The following KLHL4 variants were observed in gnomAD, a reference collection of about 807,000 sequenced individuals.
KLHL4 encodes the protein kelch like family member 4, also known as kelch-like protein 4.
A neutral mutation model predicts 45.8 loss-of-function variants in KLHL4; 17 were observed. The ratio of observed to expected loss-of-function variants is 0.37; its 90% confidence interval spans 0.25 to 0.56. KLHL4 has a LOEUF of 0.56. KLHL4 is among the 20% of genes least tolerant of loss of function. KLHL4 has a pLI of 0.79. For synonymous variants in KLHL4, 224 were observed against 189.9 expected (o/e 1.18, Z -1.47); for missense variants, 544 against 544.9 (o/e 1.00, Z 0.02).
intron 9 of KLHL4, among the ~76,000 whole-genome samples, chrX:87,663,524 A>G (rs1924266063): frequency 8.9e-6 from 1 of 112,653 alleles, no homozygotes; most frequent in Non-Finnish European, 1.9e-5. Context: ...GCCCATGCAG[A>G]AAAGTCTTGG....
intron 1 of KLHL4, among the ~76,000 whole-genome samples, chrX:87,531,241 C>A (rs1166876903): frequency 3.6e-5 from 4 of 110,460 alleles, no homozygotes; most frequent in Non-Finnish European, 7.6e-5. Flanking sequence ...ATGGTAGTTT[C>A]TTTTGCTGTG....
chrX:87,609,288 C>G (rs1371280791), intron 1 of KLHL4, among the ~76,000 whole-genome samples: 1 of 112,038 alleles, frequency 8.9e-6, no homozygotes, highest in African/African-American at 3.2e-5. Flanking sequence ...AATGGGATGG[C>G]TGGGTCAAAT....
intron 1 of KLHL4, among the ~76,000 whole-genome samples, chrX:87,583,128 T>A (rs1411501529): frequency 8.9e-6 from 1 of 112,445 alleles, no homozygotes; most frequent in Non-Finnish European, 1.9e-5. Flanking sequence ...TACAATCCTC[T>A]TGCTAGCTAC....
intron 6 of KLHL4, among the ~76,000 whole-genome samples, chrX:87,628,527 T>C (rs770551691): frequency 1.6e-4 from 18 of 111,842 alleles, no homozygotes; most frequent in African/African-American, 5.5e-4. Context: ...GTATAAACAT[T>C]AATTTCTATA....
rs754253274 is a variant in KLHL4, at chrX:87,648,558, C to T, written c.1925+12783C>T. Among the ~76,000 whole-genome samples the T allele has an allele frequency of 2.2e-3, 248 of 110,844 alleles. 2 individuals are homozygous for T. Among genetic ancestry groups the T allele is most frequent in the African/African-American group, 7.7e-3 (235 of 30,584 alleles). ...AGAGGGAAAATTAAACTGAGAAGAG[C>T]TGGAATATCATGAAAAAAGCAACTT... On this transcript the variant is annotated intron_variant, in intron 9 of 10. Coordinates refer to ENST00000373119, the MANE Select transcript of KLHL4 (RefSeq NM_019117.5).
intron 3 of KLHL4, among the ~76,000 whole-genome samples, chrX:87,617,099 C>A (rs1602446372): frequency 9.0e-6 from 1 of 111,464 alleles, no homozygotes. Flanking sequence ...AATAACTATT[C>A]AATAACACTT....
chrX:87,606,674 A>G (rs1922210091), intron 1 of KLHL4, among the ~76,000 whole-genome samples: 1 of 111,261 alleles, frequency 9.0e-6, no homozygotes, highest in Non-Finnish European at 1.9e-5. Flanking sequence ...GAAACTCTAG[A>G]CAGACAAGTA....
At chrX:87,600,327 C>CA (rs774013363) in intron 1 of KLHL4, among the ~76,000 whole-genome samples, 1 of 110,248 alleles carries the variant, frequency 9.1e-6, no homozygotes, top group Non-Finnish European at 1.9e-5. Flanking sequence ...ACTAAAAATA[C>CA]AAAAAAATTA....
Position 87,571,615 on chromosome X carries a change from T to C in KLHL4, c.423-42262T>C, listed in dbSNP as rs774587487. On this transcript the variant is annotated intron_variant, in intron 1 of 10. Coordinates refer to ENST00000373119, the MANE Select transcript of KLHL4 (RefSeq NM_019117.5). Reference sequence around the variant, plus strand: ...GGATCATGACAGCAGTAAAAATGTTTCTAATTTTAAAAAAGCTTTAATGCT... The same window carrying C: ...GGATCATGACAGCAGTAAAAATGTTCCTAATTTTAAAAAAGCTTTAATGCT... Among the ~76,000 whole-genome samples the C allele has an allele frequency of 5.4e-5, 6 of 111,387 alleles. No individual in the cohort carries two copies. The South Asian group carries it at 2.2e-3, about 41-fold the overall frequency.
At chrX:87,625,553 T>C (rs1282419925) in intron 5 of KLHL4, 57 bp from the exon 6 acceptor site, 2 of 989,706 alleles carry the variant, frequency 2.0e-6, no homozygotes, top group African/African-American at 1.9e-5. Context: ...TAAATACAAA[T>C]ACGTTCTTTC....
In KLHL4 at chrX:87,618,032, A is replaced by G. The variant is rs1922620021; in HGVS notation, c.828A>G (p.Ile276Met). 3 of 1,210,865 alleles carry G rather than the reference A, an allele frequency of 2.5e-6. No individual in the cohort carries two copies. The highest frequency in any genetic ancestry group is 3.4e-6 in the Non-Finnish European group (3 of 894,858). ...TTGATGTTTGCTCCAATTTTCTCAT[A>G]AAGCAGCTCCATCCTTCAAACTGCT... is the stretch of plus-strand genomic sequence containing the variant. ...QVIDVCSNFL[I>M]KQLHPSNCLG... is the part of the protein sequence containing the mutation. The change falls in exon 4 of 11, where the codon ATA becomes ATG. Residue 276 changes from isoleucine to methionine, a missense_variant. Physicochemically the swap from Ile to Met is conservative, Grantham distance 10 (BLOSUM62 1). Transcript: ENST00000373119.
chrX:87,521,689 G>A (rs1165011622), intron 1 of KLHL4, among the ~76,000 whole-genome samples: 1 of 111,780 alleles, frequency 8.9e-6, no homozygotes, highest in African/African-American at 3.3e-5. Context: ...CAAATGAGAG[G>A]GTACTTCTCC....
chrX:87,538,874 G>A (rs1435930857), intron 1 of KLHL4, among the ~76,000 whole-genome samples: 2 of 111,328 alleles, frequency 1.8e-5, no homozygotes. Context: ...TATTTGAATT[G>A]CTTCTCTTGC....
intron 1 of KLHL4, among the ~76,000 whole-genome samples, chrX:87,536,460 G>A (rs1439204256): frequency 9.0e-6 from 1 of 110,688 alleles, no homozygotes; most frequent in African/African-American, 3.3e-5. Flanking sequence ...TAGCTATACT[G>A]TAGTAAGAGT....
chrX:87,593,752 T>G (rs1463789712), intron 1 of KLHL4, among the ~76,000 whole-genome samples: 1 of 111,374 alleles, frequency 9.0e-6, no homozygotes, highest in African/African-American at 3.3e-5. Flanking sequence ...GAGAGGTCCA[T>G]GTCCACAACT....
chrX:87,617,999 T>C lies in KLHL4; in HGVS notation c.795T>C (p.Thr265=), dbSNP rs757602904. Residue 265 remains threonine, a synonymous_variant, in exon 4 of 11, where the codon ACT becomes ACC. Transcript: ENST00000373119. ...LLAAACLLQL[T]QVIDVCSNFL... Reference sequence around the variant, plus strand: ...CTGCAGCTTGTCTTCTGCAGCTGACTCAGGTCATTGATGTTTGCTCCAATT... The same window carrying C: ...CTGCAGCTTGTCTTCTGCAGCTGACCCAGGTCATTGATGTTTGCTCCAATT... The C allele has an allele frequency of 8.3e-7, 1 of 1,211,110 alleles. No homozygotes were observed. Among genetic ancestry groups the C allele is most frequent in the Non-Finnish European group, 1.1e-6 (1 of 894,938 alleles).
chrX:87,656,607 T>G (rs1923998532), intron 9 of KLHL4, among the ~76,000 whole-genome samples: 1 of 110,089 alleles, frequency 9.1e-6, no homozygotes, highest in African/African-American at 3.3e-5. Context: ...GTTTTCTGAT[T>G]TCTTTGTATT....
At chrX:87,585,982 T>A (rs1921457236) in intron 1 of KLHL4, among the ~76,000 whole-genome samples, 1 of 111,610 alleles carries the variant, frequency 9.0e-6, no homozygotes, top group East Asian at 2.8e-4. Context: ...GCTATACTAA[T>A]ATCAGACAAA....
At chrX:87,524,443 A>T (rs989467222) in intron 1 of KLHL4, among the ~76,000 whole-genome samples, 2 of 111,727 alleles carry the variant, frequency 1.8e-5, no homozygotes, top group Non-Finnish European at 3.8e-5. Flanking sequence ...CAGTATGTAC[A>T]CTTAGTGTGA....
Sources: allele counts gnomAD v4.1 joint callset (sites outside exome capture counted in the v4.1 genomes callset), GRCh38; gene constraint gnomAD v4.1.1; transcripts MANE v1.5; gene names NCBI Gene and HGNC (gene_info 2026-07-23, HGNC 2026-07-21).